AKR1B1: variants seen among roughly 807,000 people sequenced by gnomAD.
The protein encoded by AKR1B1 is aldo-keto reductase family 1 member B.
A neutral mutation model predicts 40.4 loss-of-function variants in AKR1B1; 22 were observed. The ratio of observed to expected loss-of-function variants is 0.54; its 90% CI spans 0.39 to 0.78. The LOEUF (loss-of-function observed/expected upper bound fraction) is 0.78. Among genes scored for constraint, AKR1B1 ranks in the 30% least tolerant of loss-of-function variants. The pLI is 0.00. For missense variants in AKR1B1, 357 were observed against 396.7 expected, an observed-to-expected ratio of 0.90 and a Z score of 0.85; for synonymous variants, 157 against 149.9, an observed-to-expected ratio of 1.05 and a Z score of -0.35.
chr7:134,453,097 CACT>C (rs1276480167), intron 1 of AKR1B1, among the ~76,000 whole-genome samples: 3 of 152,162 alleles, frequency 2.0e-5, no homozygotes, highest in Non-Finnish European at 4.4e-5. Context: ...GCACAACCAC[CACT>C]GATGACAGCA....
rs1317918361 is a variant in AKR1B1, at chr7:134,445,242, A to G, written c.904T>C (p.Leu302=). The G allele has an allele frequency of 6.2e-7, 1 of 1,611,152 alleles. No individual in the cohort carries two copies. The highest frequency in any genetic ancestry group is 1.1e-5 in the South Asian group (1 of 90,312). The change falls in exon 9 of 10, where the codon TTG becomes CTG. Residue 302 remains leucine, a synonymous_variant. Transcript: ENST00000285930. ...YNRNWRVCAL[L]SCTSHKDYPF... ...CTCACACTGGGGCTCACTCACCTCAACAAGGCACAGACCCTCCAGTTCCTG... is the reference window on the plus strand; with the variant it reads ...CTCACACTGGGGCTCACTCACCTCAGCAAGGCACAGACCCTCCAGTTCCTG...
At chr7:134,451,363 C>G (rs1806281683) in intron 2 of AKR1B1, 1 of 635,678 alleles carries the variant, frequency 1.6e-6, no homozygotes. Flanking sequence ...GCCTCATCAG[C>G]ACGGGACTCT....
chr7:134,447,894 G>A, intron 7 of AKR1B1, 86 bp downstream of exon 7: 1 of 1,170,008 alleles, frequency 8.5e-7, no homozygotes, highest in Non-Finnish European at 1.3e-6. Context: ...GGTGTAACAG[G>A]CTCAGTCACT....
At position 134,445,235 on chromosome 7, in the gene AKR1B1, C is replaced by A; in HGVS notation, c.908+3G>T. ...ACTGCTCCTCACACTGGGGCTCACT[C>A]ACCTCAACAAGGCACAGACCCTCCA... On this transcript the variant is annotated splice_donor_region_variant and intron_variant, in intron 9 of 9. Coordinates refer to ENST00000285930, the MANE Select transcript of AKR1B1 (RefSeq NM_001628.4). 1 of 1,609,994 alleles carries A rather than the reference C, an allele frequency of 6.2e-7. No homozygotes were observed. The highest frequency in any genetic ancestry group is 2.2e-5 in the East Asian group (1 of 44,874).
intron 4 of AKR1B1, chr7:134,449,503 C>T (rs945644531): frequency 6.7e-5 from 40 of 593,020 alleles, no homozygotes; most frequent in Admixed American, 2.3e-4. Flanking sequence ...AGGAGAATGG[C>T]GTGAACCCAG....
chr7:134,450,610 C>A (rs191854718), intron 3 of AKR1B1, among the ~76,000 whole-genome samples, 176 bp downstream of exon 3: 2 of 152,186 alleles, frequency 1.3e-5, no homozygotes, highest in African/African-American at 4.8e-5. Context: ...GCGTGGGGCC[C>A]GAGACTGTGA....
chr7:134,449,332 A>G, intron 4 of AKR1B1: 2 of 638,702 alleles, frequency 3.1e-6, no homozygotes, highest in Non-Finnish European at 2.8e-6. Flanking sequence ...CACGCCTGTA[A>G]TCCCAGCACT....
chr7:134,458,463 G>A (rs1351464580), intron 1 of AKR1B1, among the ~76,000 whole-genome samples: 1 of 152,134 alleles, frequency 6.6e-6, no homozygotes, highest in East Asian at 1.9e-4. Flanking sequence ...ACCGGCTTGA[G>A]ATGCTTATTC....
rs200105058 is a variant in AKR1B1, at chr7:134,451,699, G to A, written c.121C>T (p.Arg41Cys). The A allele has an allele frequency of 9.8e-5, 158 of 1,614,112 alleles. No homozygotes were observed. Among genetic ancestry groups the A allele is most frequent in the Non-Finnish European group, 1.1e-4 (134 of 1,180,008 alleles). The stretch of plus-strand genomic sequence containing the variant: ...TACACATGGGCACAGTCGATGTGGC[G>A]GTACCCGACGTCAATGGCCACCTTC... ...AVKVAIDVGYRHIDCAHVYQN... is the reference protein window; with the variant it reads ...AVKVAIDVGYCHIDCAHVYQN... The change falls in exon 2 of 10, where the codon CGC becomes TGC. Residue 41 changes from arginine (R) to cysteine (C), a missense_variant. Arg to Cys is a radical substitution (Grantham distance 180, BLOSUM62 -3). Transcript: ENST00000285930.
At chr7:134,446,444 C>G (rs1806097590) in intron 8 of AKR1B1, among the ~76,000 whole-genome samples, 1 of 152,214 alleles carries the variant, frequency 6.6e-6, no homozygotes, top group African/African-American at 2.4e-5. Context: ...TGCCCAAGAG[C>G]CCCAGGCCCA....
chr7:134,455,465 C>T (rs1323249469), intron 1 of AKR1B1, among the ~76,000 whole-genome samples: 1 of 152,102 alleles, frequency 6.6e-6, no homozygotes, highest in Admixed American at 6.5e-5. Flanking sequence ...CTTTTACCTC[C>T]AACAATTTTT....
chr7:134,455,393 A>G (rs1806438275), intron 1 of AKR1B1, among the ~76,000 whole-genome samples: 1 of 152,210 alleles, frequency 6.6e-6, no homozygotes, highest in African/African-American at 2.4e-5. Context: ...AAGATGGAGA[A>G]ACATAGTTGT....
chr7:134,445,145 C>T, intron 9 of AKR1B1, 93 bp downstream of exon 9: 1 of 1,103,552 alleles, frequency 9.1e-7, no homozygotes, highest in Non-Finnish European at 1.4e-6. Flanking sequence ...GTGACGAGAG[C>T]ACATTGGCGC....
rs778745784 is a variant in AKR1B1 at position 134,449,076 on chromosome 7, C to A, written c.473G>T (p.Gly158Val). 42 of 1,613,888 alleles carry A rather than the reference C, an allele frequency of 2.6e-5. No homozygotes were observed. In the South Asian group the frequency reaches 3.4e-4, roughly 13 times the overall value. Reference protein sequence around the residue: ...LVDEGLVKAIGISNFNHLQVE... With the variant: ...LVDEGLVKAIVISNFNHLQVE... ...CTGGAGATGGTTGAAGTTGGAGATG[C>A]CAATAGCTTTCACCAGCCCTTCATC... The change falls in exon 5 of 10, where the codon GGC (glycine) becomes GTC (valine). Residue 158 changes from glycine (G) to valine (V), a missense_variant. Physicochemically the swap from Gly to Val is moderately radical, Grantham distance 109 (BLOSUM62 -3). Coordinates refer to ENST00000285930, the MANE Select transcript of AKR1B1 (RefSeq NM_001628.4).
chr7:134,442,884 G>T, intron 9 of AKR1B1, 114 bp from the exon 10 acceptor site: 1 of 1,028,888 alleles, frequency 9.7e-7, no homozygotes, highest in Non-Finnish European at 1.5e-6. Context: ...AACCTCAGAG[G>T]CAACAAGCTA....
chr7:134,447,598 G>A (rs916252427), intron 7 of AKR1B1: 23 of 647,540 alleles, frequency 3.6e-5, no homozygotes, highest in African/African-American at 3.0e-4. Flanking sequence ...TGTGCCACAC[G>A]CTTCAGTGTC....
At chr7:134,451,818 T>G in intron 1 of AKR1B1, 65 bp from the exon 2 acceptor site, 2 of 1,564,260 alleles carry the variant, frequency 1.3e-6, no homozygotes, top group East Asian at 2.3e-5. Context: ...GGAGGGGCAG[T>G]GGCAGCCACC....
intron 9 of AKR1B1, chr7:134,444,671 C>T (rs1042060874): frequency 6.2e-6 from 1 of 161,468 alleles, no homozygotes; most frequent in African/African-American, 2.4e-5. Context: ...AGAGAAAACC[C>T]CACAGAAAAC....
Position 134,447,592 on chromosome 7 carries a change from C to A in AKR1B1, c.742-211G>T, listed in dbSNP as rs533941134. 1.1e-4 allele frequency: 73 copies of A among 651,052 alleles called. No homozygotes were observed. The African/African-American group carries it at 1.2e-3, about 11-fold the overall frequency. 40.3% of individuals were successfully genotyped at this position (651,052 alleles called of 1,614,324 possible). A position where few individuals can be genotyped will look rare whatever the true frequency, so the allele number is the denominator to read the frequency against. ...CCAGAGTCCTGCGCTAGCCACTGTG[C>A]CACACGCTTCAGTGTCTCAGGCATA... On this transcript the variant is annotated intron_variant, in intron 7 of 9. Transcript: ENST00000285930.
Sources: gnomAD v4.1 joint callset for allele counts (sites outside exome capture counted in the v4.1 genomes callset) on GRCh38, gnomAD v4.1.1 for gene constraint, MANE v1.5 for transcripts, NCBI Gene and HGNC (gene_info 2026-07-23, HGNC 2026-07-21) for gene names.